The following PEAK1 variants were observed in gnomAD, a reference collection of about 807,000 sequenced individuals.
The protein encoded by PEAK1 is pseudopodium enriched atypical kinase 1, also known as inactive tyrosine-protein kinase PEAK1.
Under a neutral mutation model 124.7 loss-of-function variants are expected in PEAK1, and 54 were observed. The ratio of observed to expected loss-of-function variants is 0.43; its 90% CI spans 0.35 to 0.54. The LOEUF is 0.54. Ranked by LOEUF, PEAK1 falls within the 20% of genes least tolerant of loss-of-function variation. PEAK1 has a pLI of 0.01. For missense variants in PEAK1, 2,046 were observed against 2,134.5 expected, an observed-to-expected ratio of 0.96 and a Z score of 0.82; for synonymous variants, 719 against 760.0, an observed-to-expected ratio of 0.95 and a Z score of 0.89.
At chr15:77,167,808 T>C (rs552382073) in intron 7 of PEAK1, among the ~76,000 whole-genome samples, 2 of 152,328 alleles carry the variant, frequency 1.3e-5, no homozygotes, top group African/African-American at 2.4e-5. Context: ...TACATATGTA[T>C]ACATGTGCCA....
intron 9 of PEAK1, among the ~76,000 whole-genome samples, chr15:77,130,067 C>T (rs1056948153): frequency 1.3e-5 from 2 of 152,158 alleles, no homozygotes; most frequent in African/African-American, 4.8e-5. Flanking sequence ...AACCACTTGC[C>T]ATCTGTTCTT....
At chr15:77,178,138 G>T (rs1282994216) in intron 7 of PEAK1, 3 of 152,192 alleles carry the variant, frequency 2.0e-5, no homozygotes, top group East Asian at 3.9e-4. Context: ...AATGCCTAGA[G>T]AACTGATTTG....
intron 1 of PEAK1, among the ~76,000 whole-genome samples, chr15:77,371,761 AC>A (rs2068658469): frequency 6.6e-6 from 1 of 152,120 alleles, no homozygotes; most frequent in Non-Finnish European, 1.5e-5. Flanking sequence ...AGTGGCACAC[AC>A]CTGTAATTGC....
intron 6 of PEAK1, among the ~76,000 whole-genome samples, chr15:77,227,588 A>G (rs2059733209): frequency 6.6e-6 from 1 of 152,166 alleles, no homozygotes; most frequent in Non-Finnish European, 1.5e-5. Context: ...TAGAAATGAG[A>G]TTTAAACACT....
chr15:77,220,380 C>T (rs2152877209), intron 6 of PEAK1, among the ~76,000 whole-genome samples: 1 of 152,012 alleles, frequency 6.6e-6, no homozygotes, highest in South Asian at 2.1e-4. Context: ...TTAGATGTTA[C>T]TTGACTACGC....
At chr15:77,345,583 G>A (rs1427593183) in intron 2 of PEAK1, among the ~76,000 whole-genome samples, 1 of 152,120 alleles carries the variant, frequency 6.6e-6, no homozygotes, top group Non-Finnish European at 1.5e-5. Flanking sequence ...AAGGATCAAG[G>A]TGAACCAACA....
At chr15:77,259,863 A>G (rs1049400275) in intron 5 of PEAK1, among the ~76,000 whole-genome samples, 15 of 152,194 alleles carry the variant, frequency 9.9e-5, no homozygotes, top group African/African-American at 3.4e-4. Flanking sequence ...ACTTGGAGAG[A>G]TAGAAAAAAG....
rs2051177499 is a variant in PEAK1 at position 77,114,499 on chromosome 15, G to A, written c.4898C>T (p.Pro1633Leu). 3 of 1,613,930 alleles carry A rather than the reference G, an allele frequency of 1.9e-6. No homozygotes were observed. The highest frequency in any genetic ancestry group is 2.5e-6 in the Non-Finnish European group (3 of 1,179,978). ...ADLPRIPFRS[P>L]YSRGLQQLAS... ...CAGCTGCTGCAGACCCCGGGAGTAGGGGGAGCGGAATGGGATGCGAGGCAG... is the reference window on the plus strand; with the variant it reads ...CAGCTGCTGCAGACCCCGGGAGTAGAGGGAGCGGAATGGGATGCGAGGCAG... The change falls in exon 10 of 10, where the codon CCC becomes CTC. Residue 1633 changes from proline (P) to leucine (L), a missense_variant. Coordinates refer to ENST00000682557, the MANE Select transcript of PEAK1 (RefSeq NM_001385026.1).
At chr15:77,412,384 G>A (rs187332416) in intron 1 of PEAK1, among the ~76,000 whole-genome samples, 27 of 152,248 alleles carry the variant, frequency 1.8e-4, no homozygotes, top group East Asian at 5.8e-4. Flanking sequence ...GCTCTGCACC[G>A]TCCTCAAGTC....
At chr15:77,307,443 C>T (rs1427339584) in intron 2 of PEAK1, among the ~76,000 whole-genome samples, 3 of 151,998 alleles carry the variant, frequency 2.0e-5, no homozygotes, top group South Asian at 4.1e-4. Flanking sequence ...GAAAGAGAAG[C>T]GTAATCAATC....
chr15:77,137,642 A>G (rs576310424), intron 8 of PEAK1, among the ~76,000 whole-genome samples: 2 of 152,300 alleles, frequency 1.3e-5, no homozygotes, highest in South Asian at 4.1e-4. Flanking sequence ...CTGTACCTGC[A>G]TTGTATCTAG....
At chr15:77,183,890 T>C (rs570843688) in intron 6 of PEAK1, among the ~76,000 whole-genome samples, 1 of 152,284 alleles carries the variant, frequency 6.6e-6, no homozygotes, top group Admixed American at 6.5e-5. Context: ...TGTAGTGGTA[T>C]GATCACAGCT....
In PEAK1 at chr15:77,334,737, GTACAA is replaced by G. The variant is rs150401364; in HGVS notation, c.-603+30421_-603+30425del. 5.4e-3 allele frequency: 5,309 copies of G among 985,130 alleles called. 163 individuals carry two copies. The African/African-American group carries it at 0.074, about 14-fold the overall frequency. 61.0% of individuals were successfully genotyped at this position (985,130 alleles called of 1,614,324 possible). On this transcript the variant is annotated intron_variant, in intron 2 of 9. Transcript: ENST00000682557. The stretch of plus-strand genomic sequence containing the variant: ...TCTCTTTCTGATATTCTTGCTGTTT[GTACAA>G]TACATTTTATCTCCTGACCTGTCTT...
intron 1 of PEAK1, among the ~76,000 whole-genome samples, chr15:77,372,880 C>G (rs1343325284): frequency 6.6e-6 from 1 of 152,130 alleles, no homozygotes; most frequent in African/African-American, 2.4e-5. Context: ...CTCTCTCTCT[C>G]TCTTTATGCC....
At chr15:77,330,990 G>C (rs2065859208) in intron 2 of PEAK1, 2 of 899,738 alleles carry the variant, frequency 2.2e-6, no homozygotes. Context: ...TGAGTAATTA[G>C]GATCAAAGTA....
rs2053053841 is a variant in PEAK1, at chr15:77,133,475, TG to T, written c.3606del (p.Ile1203SerfsTer36). On this transcript the variant is annotated frameshift_variant, in exon 9 of 10. Transcript: ENST00000682557. LOFTEE classifies it high-confidence loss of function. The surrounding 1 kb of genome is among the most constrained non-coding windows in gnomAD (Gnocchi z 4.2). ...TCCAGTCCTTTGAGTTCATAGCTGA[TG>T]GAAGAACCAGCACTGCTGGCATCCC... ...PNWDASSAGS[S>X]ISYELKGLDI... The T allele has an allele frequency of 2.5e-6, 4 of 1,614,234 alleles. No individual in the cohort carries two copies. Among genetic ancestry groups the T allele is most frequent in the Non-Finnish European group, 2.5e-6 (3 of 1,180,042 alleles).
At chr15:77,346,246 T>C (rs997402561) in intron 2 of PEAK1, 1 of 926,764 alleles carries the variant, frequency 1.1e-6, no homozygotes, top group African/African-American at 1.8e-5. Context: ...ATGTCATCTC[T>C]TCTGAAAATA....
At chr15:77,105,441 T>A (rs1451451404), downstream of PEAK1, 1 of 152,188 alleles carries the variant, frequency 6.6e-6, no homozygotes, top group Non-Finnish European at 1.5e-5. Flanking sequence ...CTATTTCCTT[T>A]TAGAGGTTTG....
At chr15:77,205,191 T>C in intron 6 of PEAK1, 1 of 271,978 alleles carries the variant, frequency 3.7e-6, no homozygotes, top group Non-Finnish European at 6.9e-6. Flanking sequence ...AAGTGCAAGT[T>C]TTTTTAGTAG....
Sources: allele counts gnomAD v4.1 joint callset (sites outside exome capture counted in the v4.1 genomes callset), GRCh38; gene constraint gnomAD v4.1.1; non-coding constraint Gnocchi (gnomAD v3.1); transcripts MANE v1.5; gene names NCBI Gene and HGNC (gene_info 2026-07-23, HGNC 2026-07-21).